ME1: variants seen among roughly 807,000 people sequenced by gnomAD.
ME1 encodes the protein NADP-dependent malic enzyme.
ME1 carries 74 observed loss-of-function variants against 66.4 expected under a neutral mutation model. The ratio of observed to expected loss-of-function variants is 1.11; its 90% CI spans 0.92 to 1.35. The LOEUF is 1.35. ME1 is among the 40% of genes most tolerant of loss of function. ME1 has a pLI of 0.00. For missense variants in ME1, 750 were observed against 694.1 expected (o/e 1.08, Z -0.90); for synonymous variants, 251 against 235.6 (o/e 1.07, Z -0.60).
chr6:83,405,790 C>T (rs1485715626), intron 2 of ME1, among the ~76,000 whole-genome samples: 6 of 144,598 alleles, frequency 4.1e-5, no homozygotes, highest in Non-Finnish European at 6.0e-5. Flanking sequence ...GGCGGGATCT[C>T]GGCTCACTGC....
At chr6:83,227,543 C>G in intron 10 of ME1, 66 bp from the exon 11 acceptor site, 1 of 1,319,886 alleles carries the variant, frequency 7.6e-7, no homozygotes, top group Non-Finnish European at 1.0e-6. Flanking sequence ...GAAGACCATG[C>G]CTCAAATCAA....
chr6:83,420,213 G>A (rs976120816), intron 1 of ME1, among the ~76,000 whole-genome samples: 5 of 152,020 alleles, frequency 3.3e-5, no homozygotes, highest in African/African-American at 4.8e-5. Context: ...GACTACAGGC[G>A]CCCACCGCCA....
At chr6:83,242,084 C>G (rs549182240) in intron 7 of ME1, among the ~76,000 whole-genome samples, 1 of 152,092 alleles carries the variant, frequency 6.6e-6, no homozygotes, top group South Asian at 2.1e-4. Flanking sequence ...ACTGGTCTCA[C>G]ACCCCTGACC....
At chr6:83,281,831 A>G (rs1462745391) in intron 6 of ME1, among the ~76,000 whole-genome samples, 11 of 143,308 alleles carry the variant, frequency 7.7e-5, no homozygotes, top group East Asian at 4.2e-4. Flanking sequence ...AAAAAAAAAA[A>G]AAAAGAAAAG....
rs1031876481 is a variant in ME1, at chr6:83,211,524, A to G, written c.*400T>C. On this transcript the variant is annotated 3_prime_UTR_variant, in exon 14 of 14. Coordinates refer to ENST00000369705, the MANE Select transcript of ME1 (RefSeq NM_002395.6). Reference sequence around the variant, plus strand: ...TTCACCTACGCCTAGATTCATTTCTAGCTTTTTTTTTTTGAAAAGTAGATT... The same window carrying G: ...TTCACCTACGCCTAGATTCATTTCTGGCTTTTTTTTTTTGAAAAGTAGATT... The G allele has an allele frequency of 6.2e-3, 194 of 31,074 alleles. 1 individual carries two copies. Among genetic ancestry groups the G allele is most frequent in the Middle Eastern group, 0.058 (3 of 52 alleles). The allele number at this position is 31,074 out of a possible 1,614,324, so 1.9% of individuals were successfully genotyped here.
intron 3 of ME1, among the ~76,000 whole-genome samples, chr6:83,393,599 T>C (rs1314727831): frequency 1.2e-5 from 1 of 82,306 alleles, no homozygotes; most frequent in Non-Finnish European, 3.1e-5. Context: ...TAAAATCCCC[T>C]GTGCTTGCCA....
intron 6 of ME1, among the ~76,000 whole-genome samples, chr6:83,301,674 C>T (rs1767723328): frequency 6.6e-6 from 1 of 152,042 alleles, no homozygotes; most frequent in Non-Finnish European, 1.5e-5. Flanking sequence ...GATATATATG[C>T]AGCCAACAAA....
rs71545854 is a variant in ME1 at position 83,283,227 on chromosome 6, C to CAAAAAAAAAAAAAAAAAAAAAA, written c.705-29490_705-29489insTTTTTTTTTTTTTTTTTTTTTT. On this transcript the variant is annotated intron_variant, in intron 6 of 13. Transcript: ENST00000369705. The stretch of plus-strand genomic sequence containing the variant: ...TGGGCGACAGAGCAAGACTCCGTCT[C>CAAAAAAAAAAAAAAAAAAAAAA]AAAAAAAAAAAAAAAAAAAAATGAT... Among the ~76,000 whole-genome samples, 124 of 28,698 alleles carry CAAAAAAAAAAAAAAAAAAAAAA rather than the reference C, an allele frequency of 4.3e-3. 1 individual carries two copies. Among genetic ancestry groups the CAAAAAAAAAAAAAAAAAAAAAA allele is most frequent in the Non-Finnish European group, 7.2e-3 (105 of 14,598 alleles). 18.8% of individuals were successfully genotyped at this position (28,698 alleles called of 152,430 possible).
chr6:83,417,815 A>G (rs1057126278), intron 1 of ME1, among the ~76,000 whole-genome samples: 1 of 152,244 alleles, frequency 6.6e-6, no homozygotes, highest in Non-Finnish European at 1.5e-5. Flanking sequence ...AGTCTTCAAT[A>G]AAGAGGAATA....
At chr6:83,312,744 G>A (rs1214706807) in intron 6 of ME1, among the ~76,000 whole-genome samples, 4 of 151,894 alleles carry the variant, frequency 2.6e-5, no homozygotes, top group African/African-American at 9.7e-5. Context: ...TTATCCCAAT[G>A]GGTACTCCTT....
chr6:83,299,306 G>A (rs893549316), intron 6 of ME1, among the ~76,000 whole-genome samples: 4 of 152,024 alleles, frequency 2.6e-5, no homozygotes, highest in African/African-American at 9.7e-5. Context: ...AGTTCTTCCT[G>A]AAGAGGTCCT....
intron 5 of ME1, among the ~76,000 whole-genome samples, chr6:83,323,705 C>T (rs578146390): frequency 1.4e-4 from 21 of 152,196 alleles, no homozygotes; most frequent in African/African-American, 4.6e-4. Flanking sequence ...TAGAGACCTA[C>T]AAAAAGACCT....
At chr6:83,222,984 T>C (rs1033001941) in intron 12 of ME1, among the ~76,000 whole-genome samples, 4 of 152,230 alleles carry the variant, frequency 2.6e-5, no homozygotes, top group African/African-American at 9.6e-5. Context: ...TGATCTAATT[T>C]CTGCTTAAAT....
intron 6 of ME1, among the ~76,000 whole-genome samples, chr6:83,271,030 A>AG (rs1301062659): frequency 6.6e-6 from 1 of 151,992 alleles, no homozygotes; most frequent in African/African-American, 2.4e-5. Flanking sequence ...AGTAAAAAAA[A>AG]AAAAAAAATC....
At chr6:83,274,460 T>G (rs552192435) in intron 6 of ME1, among the ~76,000 whole-genome samples, 2 of 152,344 alleles carry the variant, frequency 1.3e-5, no homozygotes, top group African/African-American at 4.8e-5. Context: ...TAAGCCTATA[T>G]CTAATAGTTA....
chr6:83,400,269 T>C (rs920216902), intron 2 of ME1, among the ~76,000 whole-genome samples: 3 of 152,046 alleles, frequency 2.0e-5, no homozygotes, highest in Admixed American at 2.0e-4. Flanking sequence ...TTGTGATGAG[T>C]TCTTGCTCTG....
intron 6 of ME1, among the ~76,000 whole-genome samples, chr6:83,295,460 AATGAAGATCATTGAAAG>A (rs1331172200): frequency 2.0e-5 from 3 of 152,242 alleles, no homozygotes; most frequent in Non-Finnish European, 4.4e-5. Context: ...TATGGATAGG[AATGAAGATCATTGAAAG>A]TTGGAAGAAC....
intron 1 of ME1, among the ~76,000 whole-genome samples, chr6:83,426,526 A>C (rs971441884): frequency 2.6e-5 from 4 of 152,224 alleles, no homozygotes; most frequent in African/African-American, 9.6e-5. Flanking sequence ...GGTTGGATGA[A>C]ATTTTCTGAA....
At chr6:83,426,320 C>A (rs1166706532) in intron 1 of ME1, among the ~76,000 whole-genome samples, 4 of 152,162 alleles carry the variant, frequency 2.6e-5, no homozygotes, top group Admixed American at 2.6e-4. Context: ...CAAGAGTTAC[C>A]ATATCAAACT....
Sources: gnomAD v4.1 joint callset for allele counts (sites outside exome capture counted in the v4.1 genomes callset) on GRCh38, gnomAD v4.1.1 for gene constraint, MANE v1.5 for transcripts, NCBI Gene and HGNC (gene_info 2026-07-23, HGNC 2026-07-21) for gene names.